PDE10A: variants seen among roughly 807,000 people sequenced by gnomAD.
The protein encoded by PDE10A is phosphodiesterase 10A.
PDE10A carries 39 observed loss-of-function variants against 97.7 expected under a neutral mutation model. The observed-to-expected ratio is 0.40, with a 90% CI of 0.31 to 0.52. The LOEUF is 0.52. Among genes scored for constraint, PDE10A ranks in the 20% least tolerant of loss-of-function variants. The pLI is 0.56. For missense variants in PDE10A, 731 were observed against 1,047.8 expected (o/e 0.70, Z 4.17); for synonymous variants, 371 against 376.8 (o/e 0.98, Z 0.18).
At chr6:165,535,602 CGTGT>C (rs140536079) in intron 2 of PDE10A, among the ~76,000 whole-genome samples, 42 of 148,882 alleles carry the variant, frequency 2.8e-4, no homozygotes, top group Middle Eastern at 3.5e-3. Context: ...TGTGTGTGCG[CGTGT>C]GTGTGTGTGT....
chr6:165,563,006 G>A (rs368836868), intron 1 of PDE10A, among the ~76,000 whole-genome samples: 26 of 152,150 alleles, frequency 1.7e-4, no homozygotes, highest in South Asian at 1.0e-3. Flanking sequence ...CGGTGCTCAC[G>A]TTGAGAAATC....
chr6:165,717,495 A>G (rs543191611), intron 1 of PDE10A, among the ~76,000 whole-genome samples: 4 of 152,004 alleles, frequency 2.6e-5, no homozygotes, highest in East Asian at 3.9e-4. Context: ...GAGACAGGAG[A>G]ATTGCTTGAA....
intron 1 of PDE10A, among the ~76,000 whole-genome samples, chr6:165,621,771 A>AAAAAAGAAGAAG (rs1554297072): frequency 7.4e-6 from 1 of 134,688 alleles, no homozygotes; most frequent in African/African-American, 2.7e-5. Context: ...AAGAAAAAAA[A>AAAAAAGAAGAAG]AAGAAGAAGA....
intron 1 of PDE10A, among the ~76,000 whole-genome samples, chr6:165,796,567 G>A (rs771838523): frequency 1.3e-5 from 2 of 152,202 alleles, no homozygotes; most frequent in Non-Finnish European, 2.9e-5. Flanking sequence ...GTAAGCATCA[G>A]TTAGGGAATT....
chr6:165,621,822 A>G (rs1464275701), intron 1 of PDE10A, among the ~76,000 whole-genome samples: 1 of 152,062 alleles, frequency 6.6e-6, no homozygotes, highest in Non-Finnish European at 1.5e-5. Flanking sequence ...AAATCCTTGG[A>G]ACAAAAGTTT....
At chr6:165,745,167 C>T (rs1792816187) in intron 1 of PDE10A, among the ~76,000 whole-genome samples, 1 of 152,114 alleles carries the variant, frequency 6.6e-6, no homozygotes, top group South Asian at 2.1e-4. Flanking sequence ...ATCTGGGGCT[C>T]AGAGCTGTGG....
chr6:165,738,666 C>T (rs1792643727), intron 1 of PDE10A, among the ~76,000 whole-genome samples: 1 of 151,754 alleles, frequency 6.6e-6, no homozygotes, highest in Non-Finnish European at 1.5e-5. Context: ...ACATCCTGTC[C>T]AGCACCTGTT....
chr6:165,609,296 C>CA (rs1787378196), intron 1 of PDE10A, among the ~76,000 whole-genome samples: 1 of 152,154 alleles, frequency 6.6e-6, no homozygotes, highest in African/African-American at 2.4e-5. Context: ...AGGCCTTTGA[C>CA]AAAATTCAAC....
chr6:165,368,666 A>C lies in PDE10A; in HGVS notation c.2783+10528T>G, dbSNP rs75472732. Among the ~76,000 whole-genome samples, 898 of 152,358 alleles carry C rather than the reference A, an allele frequency of 5.9e-3. 6 individuals carry two copies. The highest frequency in any genetic ancestry group is 0.012 in the Admixed American group (183 of 15,310). On this transcript the variant is annotated intron_variant, in intron 18 of 21. Transcript: ENST00000539869. ...TAAATGCAAATAGACTAAACAGTAC[A>C]TTAAAAAGCAGTGATTTCAGACTTA...
chr6:165,671,239 C>T lies in PDE10A; in HGVS notation c.-614-127671G>A, dbSNP rs1048006791. 6.6e-6 allele frequency among the ~76,000 whole-genome samples: 1 copy of T among 151,858 alleles called. No individual in the cohort carries two copies. The highest frequency in any genetic ancestry group is 2.4e-5 in the African/African-American group (1 of 41,322). On this transcript the variant is annotated intron_variant, in intron 1 of 19. Transcript: ENST00000366882. This position sits in a 1 kb window ranked among gnomAD's most constrained non-coding sequence, Gnocchi z 4.6. ...ATCTGGTGATAGGCTAGAGTGAAAC[C>T]CTCTTCTGTTTTTTTAACTACCTTG...
intron 1 of PDE10A, among the ~76,000 whole-genome samples, chr6:165,958,183 G>A (rs934239209): frequency 2.6e-5 from 4 of 152,146 alleles, no homozygotes; most frequent in African/African-American, 9.7e-5. Flanking sequence ...CACAGTCTGT[G>A]AGCAGGACCT....
rs920266958 is a variant in PDE10A, at chr6:165,445,175, T to G, written c.1194+3753A>C. Among the ~76,000 whole-genome samples, 133 of 152,232 alleles carry G rather than the reference T, an allele frequency of 8.7e-4. 2 individuals carry two copies. Among genetic ancestry groups the G allele is most frequent in the African/African-American group, 3.2e-3 (131 of 41,460 alleles). ...TTTCATTTAATTTAATATGGTTATA[T>G]TTTAGAAGTGTATCTTCTATTGCCA... On this transcript the variant is annotated intron_variant, in intron 5 of 21. Transcript: ENST00000539869.
chr6:165,879,187 T>C (rs1382588678), intron 1 of PDE10A, among the ~76,000 whole-genome samples: 2 of 152,208 alleles, frequency 1.3e-5, no homozygotes, highest in South Asian at 2.1e-4. Context: ...ATTTGACTCA[T>C]TCAGACAATT....
At chr6:165,571,169 C>T (rs556074285) in intron 1 of PDE10A, among the ~76,000 whole-genome samples, 1 of 152,308 alleles carries the variant, frequency 6.6e-6, no homozygotes, top group East Asian at 1.9e-4. Flanking sequence ...CCATCTACGA[C>T]ACTTATATGA....
chr6:165,694,623 G>C (rs966639483), intron 1 of PDE10A, among the ~76,000 whole-genome samples: 1 of 152,240 alleles, frequency 6.6e-6, no homozygotes, highest in Non-Finnish European at 1.5e-5. Context: ...CACAGTGGAC[G>C]CTGCTGCCTC....
In PDE10A at chr6:165,655,211, C is replaced by A. The variant is rs1789880268; in HGVS notation, c.865+6736G>T. Among the ~76,000 whole-genome samples, 1 of 144,404 alleles carries A rather than the reference C, an allele frequency of 6.9e-6. No individual in the cohort carries two copies. Among genetic ancestry groups the A allele is most frequent in the Admixed American group, 6.9e-5 (1 of 14,392 alleles). 94.7% of individuals were successfully genotyped at this position (144,404 alleles called of 152,430 possible). A position where few individuals can be genotyped will look rare whatever the true frequency, so the allele number is the denominator to read the frequency against. On this transcript the variant is annotated intron_variant, in intron 1 of 21. Coordinates refer to ENST00000539869, the MANE Select transcript of PDE10A (RefSeq NM_001385079.1). The surrounding 1 kb of genome is among the most constrained non-coding windows in gnomAD (Gnocchi z 4.5). ...AGGCATCTATATACTGTCCTTGGGGCATCCAATCCCATGATTTTAGATGCT... is the reference window on the plus strand; with the variant it reads ...AGGCATCTATATACTGTCCTTGGGGAATCCAATCCCATGATTTTAGATGCT...
At position 165,385,841 on chromosome 6, in the gene PDE10A, C is replaced by T. The variant is rs533459171; in HGVS notation, c.2610+2457G>A. 4.6e-5 allele frequency among the ~76,000 whole-genome samples: 7 copies of T among 152,294 alleles called. No homozygotes were observed. In the East Asian group the frequency reaches 1.4e-3, roughly 29 times the overall value. On this transcript the variant is annotated intron_variant, in intron 17 of 21. Coordinates refer to ENST00000539869, the MANE Select transcript of PDE10A (RefSeq NM_001385079.1). ...CTCAAATTGAAGGGATTTGGTCAAT[C>T]GAACATATAAATTTGTTTTCAAACT...
At chr6:165,825,169 G>A (rs12664838) in intron 1 of PDE10A, among the ~76,000 whole-genome samples, 64 of 140,562 alleles carry the variant, frequency 4.6e-4, no homozygotes, top group Middle Eastern at 3.6e-3. Flanking sequence ...AAAAGAAAAA[G>A]AAAAAAAAAG....
chr6:165,435,315 C>T lies in PDE10A; in HGVS notation c.1257G>A (p.Gly419=), dbSNP rs748403172. 37 of 1,613,744 alleles carry T rather than the reference C, an allele frequency of 2.3e-5. No homozygotes were observed. Among genetic ancestry groups the T allele is most frequent in the Non-Finnish European group, 3.1e-5 (36 of 1,179,710 alleles). Residue 419 remains glycine, a synonymous_variant, in exon 6 of 22, where the codon GGG becomes GGA. Transcript: ENST00000539869. ...AGACGGTGGTGCCCTGAGTGATGGG[C>T]CCAGCAGGGATGAGGCGGGGTTTTC... ...KEGKPRLIPA[G]PITQGTTVSA...
Sources: gnomAD v4.1 joint callset for allele counts (sites outside exome capture counted in the v4.1 genomes callset) on GRCh38, gnomAD v4.1.1 for gene constraint, Gnocchi (gnomAD v3.1) non-coding constraint, MANE v1.5 for transcripts, NCBI Gene and HGNC (gene_info 2026-07-23, HGNC 2026-07-21) for gene names.